The following LRP1B variants were observed in gnomAD, a reference collection of about 807,000 sequenced individuals.
LRP1B encodes LDL receptor related protein 1B.
Under a neutral mutation model 556.6 loss-of-function variants are expected in LRP1B, and 217 were observed. The ratio of observed to expected loss-of-function variants is 0.39; its 90% confidence interval spans 0.35 to 0.44. The LOEUF is 0.44. Ranked by LOEUF, LRP1B falls within the 20% of genes least tolerant of loss-of-function variation. The pLI is 1.00. For synonymous variants in LRP1B, 2,047 were observed against 1,865.8 expected, an observed-to-expected ratio of 1.10 and a Z score of -2.50; for missense variants, 5,053 against 5,620.8, an observed-to-expected ratio of 0.90 and a Z score of 3.23.
intron 7 of LRP1B, among the ~76,000 whole-genome samples, chr2:141,109,904 G>C (rs1356184228): frequency 1.3e-5 from 2 of 152,160 alleles, no homozygotes; most frequent in Non-Finnish European, 2.9e-5. Context: ...GGCTTATCTG[G>C]TAGGATGAGT....
At chr2:140,953,670 C>T (rs1310363168) in intron 18 of LRP1B, among the ~76,000 whole-genome samples, 1 of 152,104 alleles carries the variant, frequency 6.6e-6, no homozygotes, top group Non-Finnish European at 1.5e-5. Flanking sequence ...TCAGTCATTT[C>T]AATTTTGTAG....
At position 140,517,010 on chromosome 2, in the gene LRP1B, A is replaced by G. The variant is rs1689935771; in HGVS notation, c.8028T>C (p.Val2676=). Residue 2676 remains valine, a splice_region_variant and synonymous_variant, in exon 50 of 91, where the codon GTT becomes GTC. Coordinates refer to ENST00000389484, the MANE Select transcript of LRP1B (RefSeq NM_018557.3). ...GDYSDELKCP[V]QNKHKCEENY... ...TTTCTTCACATTTGTGTTTGTTTTG[A>G]ACTGTGATAAAATATGGAATGTCAA... The G allele has an allele frequency of 1.3e-6, 2 of 1,570,762 alleles. No individual in the cohort carries two copies. Among genetic ancestry groups the G allele is most frequent in the South Asian group, 2.2e-5 (2 of 90,188 alleles).
chr2:141,002,082 T>A (rs1044807143), intron 15 of LRP1B, among the ~76,000 whole-genome samples: 5 of 151,962 alleles, frequency 3.3e-5, no homozygotes, highest in African/African-American at 1.2e-4. Flanking sequence ...TTTCTGATGA[T>A]AAACAATAAA....
chr2:140,833,839 G>A (rs76247873), intron 31 of LRP1B, among the ~76,000 whole-genome samples: 6,696 of 151,844 alleles, frequency 0.044, 174 homozygotes, highest in Middle Eastern at 0.085. Flanking sequence ...GTTTTAAAGG[G>A]GTTAAAAAAA....
chr2:141,456,045 T>C (rs549762340), intron 3 of LRP1B, among the ~76,000 whole-genome samples: 23 of 152,278 alleles, frequency 1.5e-4, no homozygotes, highest in African/African-American at 5.3e-4. Flanking sequence ...AAAGAAGACA[T>C]GCAATTTTTT....
intron 7 of LRP1B, among the ~76,000 whole-genome samples, chr2:141,121,910 G>A (rs897078043): frequency 2.6e-5 from 4 of 151,890 alleles, no homozygotes; most frequent in African/African-American, 4.8e-5. Flanking sequence ...AGAGATATAG[G>A]CCAATGGAAC....
At chr2:141,157,642 G>C (rs1396940926) in intron 7 of LRP1B, among the ~76,000 whole-genome samples, 1 of 152,006 alleles carries the variant, frequency 6.6e-6, no homozygotes, top group East Asian at 1.9e-4. Context: ...TTAGTCAACA[G>C]GGAGCTGACA....
At chr2:141,094,759 T>C (rs1212574278) in intron 7 of LRP1B, among the ~76,000 whole-genome samples, 1 of 152,154 alleles carries the variant, frequency 6.6e-6, no homozygotes, top group Non-Finnish European at 1.5e-5. Flanking sequence ...ACAGCTGTTG[T>C]CTAGAAACTC....
chr2:140,899,230 C>T (rs1694033401), intron 23 of LRP1B: 1 of 155,186 alleles, frequency 6.4e-6, no homozygotes, highest in Admixed American at 6.5e-5. Context: ...GATGATACTC[C>T]AGGACATTAT....
At chr2:141,078,395 C>A (rs1404169317) in intron 7 of LRP1B, among the ~76,000 whole-genome samples, 1 of 152,180 alleles carries the variant, frequency 6.6e-6, no homozygotes, top group African/African-American at 2.4e-5. Context: ...ACCTTCCACC[C>A]CTGCCTCCTT....
At chr2:140,889,038 G>A (rs900232688) in intron 23 of LRP1B, among the ~76,000 whole-genome samples, 4 of 150,214 alleles carry the variant, frequency 2.7e-5, no homozygotes, top group South Asian at 2.1e-4. Flanking sequence ...TATACCTTCC[G>A]ATCTAATGTG....
At chr2:141,810,226 T>C in intron 2 of LRP1B, 53 bp downstream of exon 2, 1 of 1,575,818 alleles carries the variant, frequency 6.3e-7, no homozygotes, top group Non-Finnish European at 8.7e-7. Context: ...ACAACTGACA[T>C]TTAGTTTCAC....
At chr2:140,626,487 C>G (rs1274082833) in intron 41 of LRP1B, among the ~76,000 whole-genome samples, 3 of 152,032 alleles carry the variant, frequency 2.0e-5, no homozygotes, top group Non-Finnish European at 2.9e-5. Flanking sequence ...AATTTCTGTA[C>G]TTTTTATTTA....
chr2:141,043,379 A>C (rs1483581888), intron 11 of LRP1B, among the ~76,000 whole-genome samples: 2 of 151,964 alleles, frequency 1.3e-5, no homozygotes, highest in African/African-American at 4.8e-5. Flanking sequence ...TTGAATCTTC[A>C]TCAATGCCAC....
chr2:141,680,763 C>T (rs1367480742), intron 2 of LRP1B, among the ~76,000 whole-genome samples: 1 of 152,100 alleles, frequency 6.6e-6, no homozygotes, highest in African/African-American at 2.4e-5. Flanking sequence ...GTTGCAGAGA[C>T]ATTTGAATCT....
At chr2:140,935,584 G>A (rs1476935242) in intron 20 of LRP1B, among the ~76,000 whole-genome samples, 2 of 152,048 alleles carry the variant, frequency 1.3e-5, no homozygotes, top group African/African-American at 4.8e-5. Context: ...TTTCCAGAAG[G>A]AGGAGGAAGG....
chr2:141,313,984 A>AAAGTTAAT (rs1229039688), intron 3 of LRP1B, among the ~76,000 whole-genome samples: 2 of 151,528 alleles, frequency 1.3e-5, no homozygotes, highest in African/African-American at 4.9e-5. Flanking sequence ...TTCTATTAGG[A>AAAGTTAAT]CATTTAGTTA....
At chr2:140,845,800 G>A (rs1159101586) in intron 29 of LRP1B, among the ~76,000 whole-genome samples, 1 of 152,054 alleles carries the variant, frequency 6.6e-6, no homozygotes, top group African/African-American at 2.4e-5. Context: ...TTCAACTAGT[G>A]AACTACAAAA....
rs2105359128 is a variant in LRP1B at position 140,994,099 on chromosome 2, G to A, written c.2540C>T (p.Ala847Val). ...TCTGTTTTTGCAGCGAAACTCTCCA[G>A]CTTTACATATGTGAGGTAGTGCTTC... is the stretch of plus-strand genomic sequence containing the variant. ...PGEALPHICK[A>V]GEFRCKNRHC... is the part of the protein sequence containing the mutation. Residue 847 changes from alanine (A) to valine (V), a missense_variant, in exon 16 of 91, where the codon GCT becomes GTT. By Grantham distance (64) the Ala-to-Val change is moderately conservative (BLOSUM62 0). This residue lies in a region of LRP1B where 3,619 missense variants were observed against 3,931.9 expected (regional missense o/e 0.92). Transcript: ENST00000389484. The A allele has an allele frequency of 6.2e-7, 1 of 1,612,500 alleles. No individual in the cohort carries two copies. The highest frequency in any genetic ancestry group is 2.2e-5 in the East Asian group (1 of 44,774).
Sources: allele counts gnomAD v4.1 joint callset (sites outside exome capture counted in the v4.1 genomes callset), GRCh38; gene constraint gnomAD v4.1.1; regional missense constraint gnomAD v4.1.1; transcripts MANE v1.5; gene names NCBI Gene and HGNC (gene_info 2026-07-23, HGNC 2026-07-21).